Variants in FER observed in about 807,000 individuals in gnomAD.
FER encodes FER tyrosine kinase.
A neutral mutation model predicts 111.0 loss-of-function variants in FER; 63 were observed. The ratio of observed to expected loss-of-function variants is 0.57; its 90% CI spans 0.46 to 0.70. FER has a LOEUF of 0.70. FER is among the 30% of genes least tolerant of loss of function. The pLI is 0.00. For synonymous variants in FER, 327 were observed against 313.9 expected (o/e 1.04, Z -0.44); for missense variants, 914 against 954.0 (o/e 0.96, Z 0.55).
chr5:108,880,746 G>T (rs569856614), intron 8 of FER, among the ~76,000 whole-genome samples: 1 of 151,908 alleles, frequency 6.6e-6, no homozygotes, highest in South Asian at 2.1e-4. Flanking sequence ...TATGATTAAA[G>T]AAAAATGTTC....
chr5:108,909,499 C>T (rs1014307924), intron 10 of FER, among the ~76,000 whole-genome samples: 3 of 152,048 alleles, frequency 2.0e-5, no homozygotes, highest in African/African-American at 7.2e-5. Flanking sequence ...ATCATTTGTT[C>T]CTTGGAAGGA....
At chr5:109,137,160 A>T (rs541729452) in intron 17 of FER, among the ~76,000 whole-genome samples, 3 of 152,060 alleles carry the variant, frequency 2.0e-5, no homozygotes, top group Non-Finnish European at 2.9e-5. Flanking sequence ...GGAAAGGGGG[A>T]GATGAAGGAA....
chr5:108,903,701 T>TA (rs1489372633), intron 10 of FER, among the ~76,000 whole-genome samples: 2 of 152,232 alleles, frequency 1.3e-5, no homozygotes, highest in East Asian at 1.9e-4. Context: ...TCAGTTTTTC[T>TA]AAAAAATGTA....
chr5:109,056,440 G>T (rs1773659307), intron 16 of FER, among the ~76,000 whole-genome samples: 1 of 152,070 alleles, frequency 6.6e-6, no homozygotes, highest in Non-Finnish European at 1.5e-5. Flanking sequence ...GAGCCTGGGG[G>T]ACATTATGCT....
intron 9 of FER, among the ~76,000 whole-genome samples, chr5:108,884,512 G>GTTTTTTTTTTTTTTTT (rs776345488): frequency 6.2e-5 from 9 of 144,590 alleles, no homozygotes; most frequent in South Asian, 2.2e-4. Flanking sequence ...CTTATGCCTG[G>GTTTTTTTTTTTTTTTT]TTTTTTTTTT....
intron 9 of FER, chr5:108,894,282 G>C (rs1207114535): frequency 1.8e-6 from 1 of 556,364 alleles, no homozygotes; most frequent in Non-Finnish European, 2.6e-6. Context: ...TGGGCATTAG[G>C]GGTTCAGGTT....
chr5:108,863,289 G>A (rs1199256410), intron 5 of FER, among the ~76,000 whole-genome samples: 2 of 151,950 alleles, frequency 1.3e-5, no homozygotes, highest in Non-Finnish European at 2.9e-5. Context: ...CTGGCTACTT[G>A]TTTTGTATTT....
At chr5:109,073,021 G>T (rs1775943392) in intron 16 of FER, among the ~76,000 whole-genome samples, 1 of 151,950 alleles carries the variant, frequency 6.6e-6, no homozygotes, top group South Asian at 2.1e-4. Flanking sequence ...GTTTTATAAA[G>T]ACACTAGTCA....
intron 10 of FER, among the ~76,000 whole-genome samples, chr5:108,905,045 C>G (rs2150345352): frequency 6.6e-6 from 1 of 152,084 alleles, no homozygotes; most frequent in Admixed American, 6.6e-5. Flanking sequence ...TGATTATAAT[C>G]ATTTTCCAAA....
At chr5:109,029,204 C>T (rs949367509) in intron 13 of FER, among the ~76,000 whole-genome samples, 6 of 147,220 alleles carry the variant, frequency 4.1e-5, no homozygotes, top group South Asian at 4.3e-4. Flanking sequence ...GTTTTACCTA[C>T]GTCCTTTTAG....
rs111226508 is a variant in FER at position 108,889,907 on chromosome 5, A to G, written c.1046+6389A>G. On this transcript the variant is annotated intron_variant, in intron 9 of 19. Coordinates refer to ENST00000281092, the MANE Select transcript of FER (RefSeq NM_005246.4). ...TTAATTTTTTTATTTTGAGATCATTATGGATTGACATTTAGTTGTTAGAAA... is the reference window on the plus strand; with the variant it reads ...TTAATTTTTTTATTTTGAGATCATTGTGGATTGACATTTAGTTGTTAGAAA... Among the ~76,000 whole-genome samples the G allele has an allele frequency of 3.3e-3, 496 of 152,154 alleles. 1 individual carries two copies. The highest frequency in any genetic ancestry group is 0.011 in the African/African-American group (460 of 41,536).
rs532047668 is a variant in FER, at chr5:109,187,052, T to C, written c.2327-381T>C. Among the ~76,000 whole-genome samples the C allele has an allele frequency of 3.3e-5, 5 of 152,348 alleles. No homozygotes were observed. In the South Asian group the frequency reaches 8.3e-4, roughly 25 times the overall value. On this transcript the variant is annotated intron_variant, in intron 19 of 19. Coordinates refer to ENST00000281092, the MANE Select transcript of FER (RefSeq NM_005246.4). ...AATTCACATTTATAAAATCCTCATATTGAATTCACATTTATAAAATCCTCA... is the reference window on the plus strand; with the variant it reads ...AATTCACATTTATAAAATCCTCATACTGAATTCACATTTATAAAATCCTCA...
intron 16 of FER, among the ~76,000 whole-genome samples, chr5:109,087,288 GC>G (rs1436406228): frequency 6.6e-6 from 1 of 151,608 alleles, no homozygotes; most frequent in Non-Finnish European, 1.5e-5. Flanking sequence ...TTGTTTAATT[GC>G]CATGCACATG....
intron 17 of FER, 65 bp from the exon 18 acceptor site, chr5:109,180,682 C>T: frequency 6.6e-7 from 1 of 1,512,398 alleles, no homozygotes; most frequent in East Asian, 2.3e-5. Flanking sequence ...GTGTGGAAAT[C>T]ATAAATGTGA....
chr5:109,052,190 G>A (rs1309457532), intron 16 of FER: 3 of 1,608,062 alleles, frequency 1.9e-6, no homozygotes, highest in African/African-American at 2.7e-5. Flanking sequence ...AGGTACAAGA[G>A]TATGGGTACA....
At chr5:109,126,026 GA>G (rs1751676918) in intron 17 of FER, among the ~76,000 whole-genome samples, 1 of 150,858 alleles carries the variant, frequency 6.6e-6, no homozygotes, top group Admixed American at 6.6e-5. Context: ...TTCCTTTTCT[GA>G]TACAGCCAGT....
chr5:109,077,700 G>A (rs1561866062), intron 16 of FER, among the ~76,000 whole-genome samples: 1 of 152,098 alleles, frequency 6.6e-6, no homozygotes, highest in Non-Finnish European at 1.5e-5. Flanking sequence ...TTTTTCCATA[G>A]CTGGTAACCA....
intron 17 of FER, among the ~76,000 whole-genome samples, chr5:109,154,364 A>T (rs1755148779): frequency 6.6e-6 from 1 of 151,956 alleles, no homozygotes; most frequent in Admixed American, 6.6e-5. Flanking sequence ...TTTACCACGT[A>T]AAAGGTGAAA....
At chr5:108,785,870 T>C (rs78594605) in intron 2 of FER, among the ~76,000 whole-genome samples, 4,226 of 152,368 alleles carry the variant, frequency 0.028, 87 homozygotes, top group Non-Finnish European at 0.045. Flanking sequence ...GCTGTTCTTC[T>C]TGTTGTAGGG....
Sources: allele counts gnomAD v4.1 joint callset (sites outside exome capture counted in the v4.1 genomes callset), GRCh38; gene constraint gnomAD v4.1.1; transcripts MANE v1.5; gene names NCBI Gene and HGNC (gene_info 2026-07-23, HGNC 2026-07-21).